CACNB2: variants seen among roughly 807,000 people sequenced by gnomAD.
The protein encoded by CACNB2 is calcium voltage-gated channel auxiliary subunit beta 2.
A neutral mutation model predicts 73.3 loss-of-function variants in CACNB2; 42 were observed. That is an observed-to-expected ratio of 0.57 (90% CI 0.45 to 0.74). The LOEUF (loss-of-function observed/expected upper bound fraction) is 0.74, where lower values mean the gene tolerates loss of function less well. Among genes scored for constraint, CACNB2 ranks in the 30% least tolerant of loss-of-function variants. The pLI is 0.00. For missense variants in CACNB2, 940 were observed against 853.0 expected (o/e 1.10, Z -1.27); for synonymous variants, 348 against 310.3 (o/e 1.12, Z -1.28).
chr10:18,514,111 G>A (rs995079240), intron 6 of CACNB2, 125 bp from the exon 7 acceptor site: 68 of 926,504 alleles, frequency 7.3e-5, no homozygotes, highest in South Asian at 3.0e-4. Context: ...ATTTTCTTGC[G>A]TACTGTGTTG....
At chr10:18,423,931 A>T (rs1305535020) in intron 3 of CACNB2, among the ~76,000 whole-genome samples, 1 of 152,178 alleles carries the variant, frequency 6.6e-6, no homozygotes, top group Non-Finnish European at 1.5e-5. Flanking sequence ...GACTACAAAT[A>T]TATCCCTATA....
chr10:18,220,193 ATGTGTGTG>A (rs1327384541), intron 2 of CACNB2, among the ~76,000 whole-genome samples: 872 of 31,226 alleles, frequency 0.028, 140 homozygotes, highest in East Asian at 0.078. Flanking sequence ...ATACATATAT[ATGTGTGTG>A]TATATATATA....
intron 2 of CACNB2, among the ~76,000 whole-genome samples, chr10:18,165,395 C>T (rs1411632188): frequency 1.3e-5 from 2 of 152,218 alleles, no homozygotes; most frequent in African/African-American, 4.8e-5. Flanking sequence ...GATGTCACTG[C>T]ACCTGTGCCC....
intron 3 of CACNB2, among the ~76,000 whole-genome samples, chr10:18,440,280 A>C (rs1189545871): frequency 6.6e-6 from 1 of 152,190 alleles, no homozygotes; most frequent in East Asian, 1.9e-4. Flanking sequence ...ATAGCCTTGG[A>C]GATTAAGTTT....
At chr10:18,338,456 T>C (rs1048079542) in intron 2 of CACNB2, among the ~76,000 whole-genome samples, 3 of 152,214 alleles carry the variant, frequency 2.0e-5, no homozygotes, top group Non-Finnish European at 2.9e-5. Flanking sequence ...CTTGTACACA[T>C]AGGTTCTCAA....
At chr10:18,497,479 G>A (rs527700824) in intron 3 of CACNB2, among the ~76,000 whole-genome samples, 12 of 152,060 alleles carry the variant, frequency 7.9e-5, no homozygotes, top group African/African-American at 2.2e-4. Flanking sequence ...GAGTGCAGTC[G>A]CGTGATCATG....
chr10:18,318,849 A>G (rs2040292041), intron 2 of CACNB2, among the ~76,000 whole-genome samples: 1 of 152,244 alleles, frequency 6.6e-6, no homozygotes, highest in Non-Finnish European at 1.5e-5. Flanking sequence ...CATATTTAAA[A>G]AGCTCATCAT....
chr10:18,335,595 A>G (rs933314487), intron 2 of CACNB2, among the ~76,000 whole-genome samples: 7 of 152,094 alleles, frequency 4.6e-5, no homozygotes, highest in Non-Finnish European at 8.8e-5. Context: ...AAAAAAATAT[A>G]TACATATTAA....
intron 2 of CACNB2, among the ~76,000 whole-genome samples, chr10:18,216,482 A>C (rs768565196): frequency 6.6e-6 from 1 of 152,206 alleles, no homozygotes; most frequent in Non-Finnish European, 1.5e-5. Context: ...GACATATCCC[A>C]CGTAAGCATG....
In CACNB2 at chr10:18,498,457, G is replaced by T. The variant is rs936451598; in HGVS notation, c.436G>T (p.Asp146Tyr). The change falls in exon 4 of 14, where the codon GAT (aspartate) becomes TAT (tyrosine). Residue 146 changes from aspartate (D) to tyrosine (Y), a missense_variant. Physicochemically the swap from Asp to Tyr is radical, Grantham distance 160. Transcript: ENST00000324631. ...PGMAISFEAK[D>Y]FLHVKEKFNN... Reference sequence around the variant, plus strand: ...CATGGCCATCTCATTCGAAGCAAAAGATTTTCTGCATGTTAAGGAAGTAAG... The same window carrying T: ...CATGGCCATCTCATTCGAAGCAAAATATTTTCTGCATGTTAAGGAAGTAAG... 3 of 1,613,984 alleles carry T rather than the reference G, an allele frequency of 1.9e-6. No homozygotes were observed. Among genetic ancestry groups the T allele is most frequent in the Admixed American group, 3.3e-5 (2 of 60,000 alleles).
intron 2 of CACNB2, among the ~76,000 whole-genome samples, chr10:18,202,052 A>G (rs542178317): frequency 6.6e-6 from 1 of 152,266 alleles, no homozygotes; most frequent in East Asian, 1.9e-4. Context: ...TTTCACCAAC[A>G]TTTTACCAGC....
chr10:18,284,783 A>C (rs1199653936), intron 2 of CACNB2, among the ~76,000 whole-genome samples: 1 of 151,940 alleles, frequency 6.6e-6, no homozygotes, highest in Non-Finnish European at 1.5e-5. Flanking sequence ...GGTCCTAGAA[A>C]TGTGAAGGGT....
In CACNB2 at chr10:18,140,763, G is replaced by T. The variant is rs777800740; in HGVS notation, c.27G>T (p.Ser9=). The change falls in exon 1 of 14, where the codon TCG becomes TCT. Residue 9 remains serine, a synonymous_variant. Transcript: ENST00000324631. ...TGGTCCAAAGGGACATGTCCAAGTC[G>T]CCTCCCACAGCGGCGGCGGCGGTGG... The part of the protein sequence containing the change: MVQRDMSK[S]PPTAAAAVAQ... 2 of 1,595,778 alleles carry T rather than the reference G, an allele frequency of 1.3e-6. No homozygotes were observed. Among genetic ancestry groups the T allele is most frequent in the Non-Finnish European group, 8.5e-7 (1 of 1,172,804 alleles).
chr10:18,420,330 CAGAGAGAGAG>C (rs147004230), intron 3 of CACNB2, among the ~76,000 whole-genome samples: 3 of 147,574 alleles, frequency 2.0e-5, no homozygotes, highest in African/African-American at 7.6e-5. Context: ...CACACACACA[CAGAGAGAGAG>C]AGAGAGAGAG....
intron 1 of CACNB2, chr10:18,141,345 A>G: frequency 1.2e-6 from 1 of 843,396 alleles, no homozygotes; most frequent in South Asian, 1.5e-5. Flanking sequence ...GCAGGAGGGG[A>G]GCGAATATGG....
At chr10:18,237,630 C>A (rs919692747) in intron 2 of CACNB2, among the ~76,000 whole-genome samples, 1 of 152,152 alleles carries the variant, frequency 6.6e-6, no homozygotes, top group Non-Finnish European at 1.5e-5. Context: ...GCTGTGGCAG[C>A]CCCAGGAAAC....
intron 2 of CACNB2, among the ~76,000 whole-genome samples, chr10:18,187,832 G>A (rs907648787): frequency 3.9e-5 from 6 of 152,186 alleles, no homozygotes; most frequent in Non-Finnish European, 7.3e-5. Flanking sequence ...ATGCTCTTGT[G>A]AAGGATGCAA....
chr10:18,537,818 A>G (rs917669070), intron 12 of CACNB2, among the ~76,000 whole-genome samples: 8 of 152,168 alleles, frequency 5.3e-5, no homozygotes, highest in African/African-American at 1.4e-4. Flanking sequence ...CTTTATGTCA[A>G]GAACAGGCTT....
chr10:18,482,066 G>T (rs1303274370), intron 3 of CACNB2, among the ~76,000 whole-genome samples: 5 of 151,964 alleles, frequency 3.3e-5, no homozygotes, highest in Middle Eastern at 3.4e-3. Flanking sequence ...ATTTTTGTGG[G>T]TTTTTTTAGT....
Sources: allele counts gnomAD v4.1 joint callset (sites outside exome capture counted in the v4.1 genomes callset), GRCh38; gene constraint gnomAD v4.1.1; transcripts MANE v1.5; gene names NCBI Gene and HGNC (gene_info 2026-07-23, HGNC 2026-07-21).